AGBL1: variants seen among roughly 807,000 people sequenced by gnomAD.
The protein encoded by AGBL1 is cytosolic carboxypeptidase 4.
In AGBL1, 130 loss-of-function variants were observed where a neutral mutation model predicts 118.9. That is an observed-to-expected ratio of 1.09 (90% CI 0.95 to 1.26). The LOEUF (loss-of-function observed/expected upper bound fraction) is 1.26. Among genes scored for constraint, AGBL1 ranks in the 50% most tolerant of loss-of-function variants. The pLI, the probability that AGBL1 is intolerant of heterozygous loss-of-function variation, is 0.00. For synonymous variants in AGBL1, 555 were observed against 478.9 expected, an observed-to-expected ratio of 1.16 and a Z score of -2.08; for missense variants, 1,584 against 1,298.1, an observed-to-expected ratio of 1.22 and a Z score of -3.38.
chr15:86,169,395 G>A (rs1408633871), intron 5 of AGBL1, among the ~76,000 whole-genome samples: 1 of 152,188 alleles, frequency 6.6e-6, no homozygotes, highest in African/African-American at 2.4e-5. Flanking sequence ...ACTTGGTTCT[G>A]AAAGACAGAC....
intron 1 of AGBL1, among the ~76,000 whole-genome samples, chr15:86,087,407 C>A (rs915520244): frequency 1.3e-5 from 2 of 151,440 alleles, no homozygotes; most frequent in Non-Finnish European, 2.9e-5. Flanking sequence ...CGGCTCACTG[C>A]AATCTCTGCC....
chr15:86,938,063 A>G (rs2080697620), intron 23 of AGBL1, among the ~76,000 whole-genome samples: 1 of 124,592 alleles, frequency 8.0e-6, no homozygotes, highest in Admixed American at 8.1e-5. Flanking sequence ...GTTTTGAGAC[A>G]CACTACTTTT....
At chr15:86,710,156 A>G (rs2086530907) in intron 22 of AGBL1, among the ~76,000 whole-genome samples, 1 of 130,408 alleles carries the variant, frequency 7.7e-6, no homozygotes, top group Non-Finnish European at 1.6e-5. Flanking sequence ...CCTTACAGGA[A>G]GAGGCTGATT....
intron 5 of AGBL1, among the ~76,000 whole-genome samples, chr15:86,207,303 G>A (rs374507084): frequency 1.5e-4 from 23 of 152,182 alleles, no homozygotes; most frequent in South Asian, 6.2e-4. Context: ...GCTCTTTTTC[G>A]GTTCCATATG....
At chr15:86,802,709 T>A (rs193019062) in intron 22 of AGBL1, among the ~76,000 whole-genome samples, 1 of 152,272 alleles carries the variant, frequency 6.6e-6, no homozygotes, top group Admixed American at 6.5e-5. Flanking sequence ...CTCAATATTG[T>A]GCTATAAATG....
At chr15:86,604,641 C>A (rs953749489) in intron 21 of AGBL1, among the ~76,000 whole-genome samples, 1 of 152,110 alleles carries the variant, frequency 6.6e-6, no homozygotes, top group Admixed American at 6.6e-5. Flanking sequence ...CATATACCAA[C>A]CTCAATTAAC....
intron 22 of AGBL1, among the ~76,000 whole-genome samples, chr15:86,852,959 C>T (rs943939748): frequency 3.3e-5 from 5 of 152,178 alleles, no homozygotes; most frequent in African/African-American, 1.2e-4. Context: ...TTTAAAGCTT[C>T]CCAGGTGAAT....
At position 86,103,996 on chromosome 15, in the gene AGBL1, C is replaced by G. The variant is rs530901697; in HGVS notation, c.51+23973C>G. ...AAGTGGCCTGTGCTGGTATTGGCAGCAGCTGTGATGGGTGAGGAGGGCCAG... is the reference window on the plus strand; with the variant it reads ...AAGTGGCCTGTGCTGGTATTGGCAGGAGCTGTGATGGGTGAGGAGGGCCAG... On this transcript the variant is annotated intron_variant, in intron 1 of 22. Coordinates refer to ENST00000614907, the MANE Select transcript of AGBL1 (RefSeq NM_001386094.1). Among the ~76,000 whole-genome samples the G allele has an allele frequency of 2.2e-3, 341 of 152,208 alleles. 15 individuals are homozygous for G. The South Asian group carries it at 0.067, about 30-fold the overall frequency.
At chr15:86,257,174 TTTTCATAAACAGGGTGA>T (rs2078910552) in intron 8 of AGBL1, among the ~76,000 whole-genome samples, 156 bp downstream of exon 8, 1 of 152,256 alleles carries the variant, frequency 6.6e-6, no homozygotes, top group South Asian at 2.1e-4. Context: ...GCAGTTTTGA[TTTTCATAAACAGGGTGA>T]TTTCATAAAC....
chr15:86,522,724 T>A, intron 18 of AGBL1, 86 bp from the exon 19 acceptor site: 1 of 1,477,984 alleles, frequency 6.8e-7, no homozygotes, highest in Non-Finnish European at 9.1e-7. Context: ...AAGTCATTAG[T>A]TTAATTGTTT....
rs554042593 is a variant in AGBL1, at chr15:86,085,295, C to T, written c.51+5272C>T. On this transcript the variant is annotated intron_variant, in intron 1 of 22. Coordinates refer to ENST00000614907, the MANE Select transcript of AGBL1 (RefSeq NM_001386094.1). ...AGGAGGGTGCCTAGTGATCTTCCCC[C>T]GGTCATGGCGGGGGTGGGGATTTGT... Among the ~76,000 whole-genome samples, 344 of 152,160 alleles carry T rather than the reference C, an allele frequency of 2.3e-3. 15 individuals are homozygous for T. In the South Asian group the frequency reaches 0.066, roughly 29 times the overall value.
chr15:86,833,475 C>T (rs979439737), intron 22 of AGBL1, among the ~76,000 whole-genome samples: 8 of 152,090 alleles, frequency 5.3e-5, no homozygotes, highest in Non-Finnish European at 8.8e-5. Flanking sequence ...TTTGCTTCTT[C>T]CTCACTCTTC....
At chr15:86,977,503 C>T (rs990638043) in intron 23 of AGBL1, among the ~76,000 whole-genome samples, 1 of 150,928 alleles carries the variant, frequency 6.6e-6, no homozygotes, top group African/African-American at 2.4e-5. Flanking sequence ...TGCCATTATT[C>T]AAATCTTTTT....
At chr15:86,265,025 G>A (rs938608760) in intron 11 of AGBL1, among the ~76,000 whole-genome samples, 187 bp downstream of exon 11, 5 of 152,226 alleles carry the variant, frequency 3.3e-5, no homozygotes, top group African/African-American at 1.2e-4. Flanking sequence ...TCAGAATCAA[G>A]TGTGGGGTAG....
rs2079683940 is a variant in AGBL1 at position 86,298,265 on chromosome 15, A to ATATATATATATGGTAAC, written c.2374+2868_2374+2869insGGTAACTATATATATAT. Among the ~76,000 whole-genome samples, 3 of 104,384 alleles carry ATATATATATATGGTAAC rather than the reference A, an allele frequency of 2.9e-5. 1 individual carries two copies. The highest frequency in any genetic ancestry group is 4.3e-5 in the African/African-American group (1 of 23,474). 68.5% of individuals were successfully genotyped at this position (104,384 alleles called of 152,430 possible). On this transcript the variant is annotated intron_variant, in intron 17 of 22. Coordinates refer to ENST00000614907, the MANE Select transcript of AGBL1 (RefSeq NM_001386094.1). The stretch of plus-strand genomic sequence containing the variant: ...GTGTATAATATATATATATATATAT[A>ATATATATATATGGTAAC]TATATATATATATATGGTAACTATA...
chr15:86,236,647 T>C (rs2078548000), intron 6 of AGBL1, among the ~76,000 whole-genome samples: 1 of 150,550 alleles, frequency 6.6e-6, no homozygotes, highest in African/African-American at 2.5e-5. Flanking sequence ...ACACATGGAG[T>C]AGTTTTAAGG....
intron 22 of AGBL1, among the ~76,000 whole-genome samples, chr15:86,738,086 G>C (rs2077626671): frequency 6.6e-6 from 1 of 151,854 alleles, no homozygotes; most frequent in African/African-American, 2.4e-5. Context: ...TCCTTTCTGT[G>C]TCTATTGAGA....
At chr15:86,393,502 A>G (rs1227502237) in intron 17 of AGBL1, among the ~76,000 whole-genome samples, 3 of 152,186 alleles carry the variant, frequency 2.0e-5, no homozygotes, top group African/African-American at 7.2e-5. Flanking sequence ...CGAAAATAGG[A>G]TACTGGTTGG....
At chr15:86,583,001 T>G (rs143215511) in intron 21 of AGBL1, among the ~76,000 whole-genome samples, 3,350 of 152,086 alleles carry the variant, frequency 0.022, 141 homozygotes, top group African/African-American at 0.076. Flanking sequence ...CCCTAAAACT[T>G]AAAGTATAAT....
Sources: allele counts gnomAD v4.1 joint callset (sites outside exome capture counted in the v4.1 genomes callset), GRCh38; gene constraint gnomAD v4.1.1; transcripts MANE v1.5; gene names NCBI Gene and HGNC (gene_info 2026-07-23, HGNC 2026-07-21).